ADGRF4: variants seen among roughly 807,000 people sequenced by gnomAD.
The protein encoded by ADGRF4 is G-protein coupled receptor PGR18.
ADGRF4 carries 63 observed loss-of-function variants against 58.5 expected under a neutral mutation model. The ratio of observed to expected loss-of-function variants is 1.08; its 90% CI spans 0.88 to 1.33. The LOEUF is 1.33. Ranked by LOEUF, ADGRF4 falls within the 40% of genes most tolerant of loss-of-function variation. The pLI, the probability that ADGRF4 is intolerant of heterozygous loss-of-function variation, is 0.00. For synonymous variants in ADGRF4, 313 were observed against 295.4 expected (o/e 1.06, Z -0.61); for missense variants, 931 against 843.9 (o/e 1.10, Z -1.28).
Position 47,714,575 on chromosome 6 carries a change from G to C in ADGRF4, c.1330G>C (p.Val444Leu). The C allele has an allele frequency of 1.2e-6, 2 of 1,614,120 alleles. No individual in the cohort carries two copies. Among genetic ancestry groups the C allele is most frequent in the Non-Finnish European group, 1.7e-6 (2 of 1,180,022 alleles). ...ATCATACATGCGTCACGTGTGCATC[G>C]TGAATATAGCAGTGTCCCTTCTGAC... ...EISYMRHVCI[V>L]NIAVSLLTAN... Residue 444 changes from valine to leucine, a missense_variant, in exon 6 of 10, where the codon GTG (valine) becomes CTG (leucine). Transcript: ENST00000283303.
Position 47,717,277 on chromosome 6 carries a change from T to C in ADGRF4, c.1975-15T>C, listed in dbSNP as rs1165840581. The C allele has an allele frequency of 2.5e-6, 4 of 1,591,902 alleles. No individual in the cohort carries two copies. The highest frequency in any genetic ancestry group is 3.4e-6 in the Non-Finnish European group (4 of 1,159,612). Reference sequence around the variant, plus strand: ...AACATCTGTGAGGTACTTCTCATTGTCATTGCTTCTTTAGATAAGAGATGC... The same window carrying C: ...AACATCTGTGAGGTACTTCTCATTGCCATTGCTTCTTTAGATAAGAGATGC... On this transcript the variant is annotated splice_polypyrimidine_tract_variant and intron_variant, in intron 7 of 9. Transcript: ENST00000283303.
chr6:47,707,459 T>C, intron 2 of ADGRF4, 121 bp downstream of exon 2: 1 of 685,172 alleles, frequency 1.5e-6, no homozygotes, highest in Non-Finnish European at 2.6e-6. Flanking sequence ...AACTTTACTC[T>C]TGCTGATAGT....
Position 47,717,361 on chromosome 6 carries a change from C to G in ADGRF4, c.2034+10C>G. On this transcript the variant is annotated intron_variant, in intron 8 of 9. Transcript: ENST00000283303. Reference sequence around the variant, plus strand: ...ATCGAGGGCAGCTGAGGTAAGCCTTCCCCTTTTAGTCTCAGCCCTGGAGAG... The same window carrying G: ...ATCGAGGGCAGCTGAGGTAAGCCTTGCCCTTTTAGTCTCAGCCCTGGAGAG... The G allele has an allele frequency of 1.3e-6, 2 of 1,595,024 alleles. No homozygotes were observed. The highest frequency in any genetic ancestry group is 4.5e-5 in the East Asian group (2 of 44,776).
chr6:47,715,980 G>A (rs1772006018), intron 6 of ADGRF4, among the ~76,000 whole-genome samples: 1 of 68,480 alleles, frequency 1.5e-5, no homozygotes, highest in Non-Finnish European at 3.8e-5. Context: ...TTTGACATGA[G>A]GGATTTTTTT....
intron 1 of ADGRF4, among the ~76,000 whole-genome samples, chr6:47,704,471 T>C (rs1771660086): frequency 6.6e-6 from 1 of 152,174 alleles, no homozygotes; most frequent in South Asian, 2.1e-4. Flanking sequence ...TGAGAATAGG[T>C]TTCTTTTCTC....
chr6:47,710,709 C>T (rs1771839616), intron 3 of ADGRF4, 26 bp from the exon 4 acceptor site: 4 of 1,521,350 alleles, frequency 2.6e-6, no homozygotes, highest in Middle Eastern at 3.5e-4. Context: ...TCCTGTCTCT[C>T]TCTCTTTCTC....
chr6:47,701,850 T>G (rs1771594588), intron 1 of ADGRF4, among the ~76,000 whole-genome samples: 1 of 152,252 alleles, frequency 6.6e-6, no homozygotes, highest in South Asian at 2.1e-4. Context: ...TTTTATTTCT[T>G]GAGACAGAGT....
In ADGRF4 at chr6:47,713,888, T is replaced by C. The variant is rs377755884; in HGVS notation, c.643T>C (p.Leu215=). 19 of 1,608,976 alleles carry C rather than the reference T, an allele frequency of 1.2e-5. No homozygotes were observed. In the African/African-American group the frequency reaches 2.3e-4, roughly 19 times the overall value. ...IPNKNASSDL[L]QSVNLFARQL... ...CAACAAAAATGCCAGCTCGGATTTG[T>C]TGCAGTCAGTGAATTTGTTTGCCAG... Residue 215 remains leucine (L), a synonymous_variant, in exon 6 of 10, where the codon TTG becomes CTG. Coordinates refer to ENST00000283303, the MANE Select transcript of ADGRF4 (RefSeq NM_153838.5).
rs1771972920 is a variant in ADGRF4 at position 47,714,928 on chromosome 6, A to G, written c.1683A>G (p.Ala561=). 2 of 1,613,518 alleles carry G rather than the reference A, an allele frequency of 1.2e-6. No individual in the cohort carries two copies. Among genetic ancestry groups the G allele is most frequent in the South Asian group, 1.1e-5 (1 of 91,072 alleles). ...LNWDNTKALL[A]FAIPAFVIVA... ...GGGACAATACCAAAGCCCTTTTAGC[A>G]TTTGCCATCCCGGCGTTCGTCATTG... Residue 561 remains alanine, a synonymous_variant, in exon 6 of 10, where the codon GCA becomes GCG. Coordinates refer to ENST00000283303, the MANE Select transcript of ADGRF4 (RefSeq NM_153838.5).
At chr6:47,702,714 T>A (rs1014475698) in intron 1 of ADGRF4, among the ~76,000 whole-genome samples, 1 of 152,224 alleles carries the variant, frequency 6.6e-6, no homozygotes, top group African/African-American at 2.4e-5. Flanking sequence ...TCTGCCACCA[T>A]ACACAGAGGG....
At position 47,701,368 on chromosome 6, in the gene ADGRF4, C is replaced by G. The variant is rs114916459; in HGVS notation, c.-17+2574C>G. 4.7e-3 allele frequency among the ~76,000 whole-genome samples: 713 copies of G among 152,072 alleles called. 4 individuals are homozygous for G. The highest frequency in any genetic ancestry group is 0.016 in the African/African-American group (666 of 41,502). On this transcript the variant is annotated intron_variant, in intron 1 of 9. Transcript: ENST00000283303. ...ATGGAAGTGGAGGAGAAGGAACCTG[C>G]GACGTGACTTTTTCAGGTCCCAAGA... is the stretch of plus-strand genomic sequence containing the variant.
chr6:47,713,836 A>G lies in ADGRF4; in HGVS notation c.591A>G (p.Ala197=). Reference sequence around the variant, plus strand: ...TGGCCAACCACATCCTCGACACAGCAGCCATTTCAAACTGGGCTTTCATTC... The same window carrying G: ...TGGCCAACCACATCCTCGACACAGCGGCCATTTCAAACTGGGCTTTCATTC... ...SEVANHILDT[A]AISNWAFIPN... Residue 197 remains alanine, a synonymous_variant, in exon 6 of 10, where the codon GCA becomes GCG. Transcript: ENST00000283303. The G allele has an allele frequency of 1.3e-6, 2 of 1,582,378 alleles. No individual in the cohort carries two copies. Among genetic ancestry groups the G allele is most frequent in the Non-Finnish European group, 1.7e-6 (2 of 1,165,056 alleles).
In ADGRF4 at chr6:47,712,473, C is replaced by A. The variant is rs1424453948; in HGVS notation, c.417C>A (p.Cys139Ter). 7 of 1,614,032 alleles carry A rather than the reference C, an allele frequency of 4.3e-6. No individual in the cohort carries two copies. The South Asian group carries it at 4.4e-5, about 10-fold the overall frequency. Residue 139 changes from cysteine (C) to a stop codon, truncating the protein, a stop_gained, in exon 5 of 10, where the codon TGC becomes TGA. Coordinates refer to ENST00000283303, the MANE Select transcript of ADGRF4 (RefSeq NM_153838.5). LOFTEE classifies it high-confidence loss of function. ...TAGCTCAAGGAATCCGTAAGAACTG[C>A]CCCTTTGATTATGCCTGCATCACTG... ...ESVAQGIRKN[C>*]PFDYACITDM...
At chr6:47,712,748 A>G (rs1301801347) in intron 5 of ADGRF4, 140 bp downstream of exon 5, 2 of 642,554 alleles carry the variant, frequency 3.1e-6, no homozygotes, top group East Asian at 5.4e-5. Context: ...GGTTTGGGAT[A>G]TTGATTCATT....
At chr6:47,712,206 C>T (rs1264580383) in intron 4 of ADGRF4, 151 bp from the exon 5 acceptor site, 6 of 651,562 alleles carry the variant, frequency 9.2e-6, no homozygotes, top group East Asian at 7.9e-5. Context: ...CCCACTGTAT[C>T]GTCTCCACCC....
At chr6:47,720,312 G>T (rs752899757) in intron 9 of ADGRF4, among the ~76,000 whole-genome samples, 1 of 152,150 alleles carries the variant, frequency 6.6e-6, no homozygotes, top group Non-Finnish European at 1.5e-5. Context: ...TGAACCACGA[G>T]GGAAGGCAGT....
At chr6:47,718,270 A>G (rs773161909) in intron 8 of ADGRF4, 119 bp from the exon 9 acceptor site, 2 of 714,748 alleles carry the variant, frequency 2.8e-6, no homozygotes, top group Non-Finnish European at 5.2e-6. Flanking sequence ...CTGTGTAGCT[A>G]TATCAGTGTG....
At chr6:47,700,320 G>A (rs76456726) in intron 1 of ADGRF4, among the ~76,000 whole-genome samples, 1 of 152,102 alleles carries the variant, frequency 6.6e-6, no homozygotes, top group Non-Finnish European at 1.5e-5. Context: ...TGTTCAGACG[G>A]GTAGGGAGTA....
intron 2 of ADGRF4, 37 bp downstream of exon 2, chr6:47,707,375 A>T: frequency 8.1e-7 from 1 of 1,239,482 alleles, no homozygotes; most frequent in Non-Finnish European, 1.2e-6. Flanking sequence ...CCGAGGAGAA[A>T]TCTCTCAGTT....
Sources: allele counts gnomAD v4.1 joint callset (sites outside exome capture counted in the v4.1 genomes callset), GRCh38; gene constraint gnomAD v4.1.1; transcripts MANE v1.5; gene names NCBI Gene and HGNC (gene_info 2026-07-23, HGNC 2026-07-21).